Variants in TENM2 observed in about 807,000 individuals in gnomAD.
The protein encoded by TENM2 is teneurin-2.
TENM2 carries 52 observed loss-of-function variants against 245.2 expected under a neutral mutation model. That is an observed-to-expected ratio of 0.21 (90% confidence interval 0.17 to 0.27). TENM2 has a LOEUF of 0.27. Among genes scored for constraint, TENM2 ranks in the 10% least tolerant of loss-of-function variants. The pLI, the probability that TENM2 is intolerant of heterozygous loss-of-function variation, is 1.00. For missense variants in TENM2, 3,046 were observed against 3,666.8 expected (o/e 0.83, Z 4.37); for synonymous variants, 1,363 against 1,438.9 (o/e 0.95, Z 1.19).
At chr5:167,099,493 C>T in the TENM2 span, among the ~76,000 whole-genome samples, 1 of 151,938 alleles carries the variant, frequency 6.6e-6, no homozygotes, top group African/African-American at 2.4e-5. Context: ...GTTGGGAGTT[C>T]GAGACCAGCC....
chr5:167,796,969 T>C (rs1765369413), intron 2 of TENM2, among the ~76,000 whole-genome samples: 2 of 152,068 alleles, frequency 1.3e-5, no homozygotes, highest in East Asian at 1.9e-4. Context: ...ATTGTCAATA[T>C]CGGAGTCATA....
Position 168,112,548 on chromosome 5 carries a change from C to T in TENM2, c.1814-5744C>T, listed in dbSNP as rs140145872. Among the ~76,000 whole-genome samples the T allele has an allele frequency of 4.8e-3, 617 of 129,644 alleles. 5 individuals carry two copies. Among genetic ancestry groups the T allele is most frequent in the African/African-American group, 0.018 (602 of 33,736 alleles). The allele number at this position is 129,644 out of a possible 152,430, so 85.1% of individuals were successfully genotyped here. On this transcript the variant is annotated intron_variant, in intron 9 of 28. Transcript: ENST00000518659. Reference sequence around the variant, plus strand: ...CATGTCCCTGCAAAGGACATGATCCCATTCCTTTTTATTGCTGCATAGTAT... The same window carrying T: ...CATGTCCCTGCAAAGGACATGATCCTATTCCTTTTTATTGCTGCATAGTAT...
chr5:167,064,583 G>A, the TENM2 span, among the ~76,000 whole-genome samples: 4 of 152,144 alleles, frequency 2.6e-5, no homozygotes, highest in Non-Finnish European at 5.9e-5. Context: ...TACAAAAGTC[G>A]TTGCCTTCTA....
intron 2 of TENM2, among the ~76,000 whole-genome samples, chr5:167,706,477 C>T (rs1022756655): frequency 1.3e-5 from 2 of 150,426 alleles, no homozygotes; most frequent in African/African-American, 4.9e-5. Flanking sequence ...ATATCTATAT[C>T]TATATATCCA....
At position 167,591,525 on chromosome 5, in the gene TENM2, A is replaced by T. The variant is rs149301757; in HGVS notation, c.502+216052A>T. On this transcript the variant is annotated intron_variant, in intron 2 of 28. Transcript: ENST00000518659. ...TGTACAATGGAAGATAACTCTAATC[A>T]GATCTTAAGAGACAATTCTCAAGGC... Among the ~76,000 whole-genome samples, 451 of 152,348 alleles carry T rather than the reference A, an allele frequency of 3.0e-3. 5 individuals carry two copies. The highest frequency in any genetic ancestry group is 0.01 in the African/African-American group (435 of 41,576).
At chr5:167,371,183 AGAGTAAATCCCCAGTCCTTTG>A (rs1228215457) in intron 1 of TENM2, among the ~76,000 whole-genome samples, 2 of 152,074 alleles carry the variant, frequency 1.3e-5, no homozygotes, top group Non-Finnish European at 2.9e-5. Context: ...GCTTCTCAAT[AGAGTAAATCCCCAGTCCTTTG>A]GAGTGTTCAC....
rs1296913670 is a variant in TENM2, at chr5:167,563,836, C to T, written c.502+188363C>T. Among the ~76,000 whole-genome samples, 5 of 152,076 alleles carry T rather than the reference C, an allele frequency of 3.3e-5. No homozygotes were observed. In the East Asian group the frequency reaches 5.8e-4, roughly 18 times the overall value. On this transcript the variant is annotated intron_variant, in intron 2 of 28. Coordinates refer to ENST00000518659, the Ensembl canonical transcript of TENM2. Reference sequence around the variant, plus strand: ...TATTCAGGACAGTAACATGCTGTACCGGTTTGAAGCCTGGTAGCAACAGGC... The same window carrying T: ...TATTCAGGACAGTAACATGCTGTACTGGTTTGAAGCCTGGTAGCAACAGGC...
Position 168,135,817 on chromosome 5 carries a change from C to T in TENM2, c.2422+8851C>T, listed in dbSNP as rs115030940. ...GCCTGTTTGGTCCCCAGTGATAGGA[C>T]GAAACATCTGCAAAGTTGCATCCGG... On this transcript the variant is annotated intron_variant, in intron 12 of 28. Transcript: ENST00000518659. Among the ~76,000 whole-genome samples the T allele has an allele frequency of 7.7e-3, 1,167 of 152,198 alleles. 9 individuals carry two copies. The highest frequency in any genetic ancestry group is 0.012 in the Non-Finnish European group (823 of 68,004).
At chr5:167,727,713 C>G (rs1350326369) in intron 2 of TENM2, among the ~76,000 whole-genome samples, 1 of 152,144 alleles carries the variant, frequency 6.6e-6, no homozygotes. Flanking sequence ...TATTCAAACT[C>G]CAGGAAAAAG....
chr5:167,634,412 C>T (rs530623652), intron 2 of TENM2, among the ~76,000 whole-genome samples: 11 of 151,214 alleles, frequency 7.3e-5, no homozygotes, highest in South Asian at 6.3e-4. Context: ...CAGTTATTTA[C>T]GTTAGTATTT....
At chr5:167,583,783 T>C (rs1024480506) in intron 2 of TENM2, among the ~76,000 whole-genome samples, 6 of 152,304 alleles carry the variant, frequency 3.9e-5, no homozygotes, top group African/African-American at 1.4e-4. Context: ...CTACCTCTGC[T>C]CTCCCAATCT....
chr5:167,137,917 G>A, the TENM2 span, among the ~76,000 whole-genome samples: 4 of 152,174 alleles, frequency 2.6e-5, no homozygotes, highest in African/African-American at 7.2e-5. Context: ...TCTTGATGGG[G>A]TAGCAAACTG....
chr5:167,207,835 CCTCTGT>C, the TENM2 span, among the ~76,000 whole-genome samples: 2 of 152,218 alleles, frequency 1.3e-5, no homozygotes, highest in Admixed American at 6.5e-5. Flanking sequence ...CTCACTGTAA[CCTCTGT>C]CTCCCAAGTT....
At chr5:167,465,758 G>C (rs1459962901) in intron 2 of TENM2, among the ~76,000 whole-genome samples, 2 of 152,166 alleles carry the variant, frequency 1.3e-5, no homozygotes, top group Non-Finnish European at 2.9e-5. Context: ...GTGAACCCGG[G>C]AGGCGGAGCT....
chr5:167,058,934 A>G, the TENM2 span, among the ~76,000 whole-genome samples: 2 of 152,222 alleles, frequency 1.3e-5, no homozygotes, highest in Admixed American at 6.5e-5. Flanking sequence ...TATTTCAAAT[A>G]TACAAGAAAA....
chr5:167,925,110 C>G (rs1429630008), intron 3 of TENM2, among the ~76,000 whole-genome samples: 1 of 152,130 alleles, frequency 6.6e-6, no homozygotes, highest in African/African-American at 2.4e-5. Flanking sequence ...TAACCCCAAG[C>G]TGGAAATAAA....
In TENM2 at chr5:167,828,656, C is replaced by T. The variant is rs150204400; in HGVS notation, c.503-47330C>T. ...CTATTTACCTACATAGACAGATAGA[C>T]GAAAAAATATATTTATTTTTCAAAT... On this transcript the variant is annotated intron_variant, in intron 2 of 28. Transcript: ENST00000518659. Among the ~76,000 whole-genome samples, 1,428 of 151,876 alleles carry T rather than the reference C, an allele frequency of 9.4e-3. 8 individuals carry two copies. Among genetic ancestry groups the T allele is most frequent in the Middle Eastern group, 0.02 (6 of 294 alleles).
At chr5:167,981,753 C>G (rs1782851601) in intron 4 of TENM2, among the ~76,000 whole-genome samples, 1 of 152,186 alleles carries the variant, frequency 6.6e-6, no homozygotes. Flanking sequence ...GACGGCAGAT[C>G]ACCTGAGGTC....
intron 2 of TENM2, among the ~76,000 whole-genome samples, chr5:167,785,351 GT>G (rs1764501704): frequency 6.6e-6 from 1 of 152,204 alleles, no homozygotes; most frequent in Admixed American, 6.5e-5. Context: ...TTTTAAGGAA[GT>G]TTCTTTCTTC....
Sources: gnomAD v4.1 joint callset for allele counts (sites outside exome capture counted in the v4.1 genomes callset) on GRCh38, gnomAD v4.1.1 for gene constraint, MANE v1.5 for transcripts, NCBI Gene and HGNC (gene_info 2026-07-23, HGNC 2026-07-21) for gene names.